DPH6: variants seen among roughly 807,000 people sequenced by gnomAD.
DPH6 encodes the protein diphthine--ammonia ligase.
In DPH6, 33 loss-of-function variants were observed where a neutral mutation model predicts 38.2. The ratio of observed to expected loss-of-function variants is 0.86; its 90% CI spans 0.65 to 1.15. The LOEUF (loss-of-function observed/expected upper bound fraction) is 1.15. DPH6 is among the 50% of genes most tolerant of loss of function. DPH6 has a pLI of 0.00. For synonymous variants in DPH6, 108 were observed against 103.0 expected (o/e 1.05, Z -0.30); for missense variants, 325 against 320.0 (o/e 1.02, Z -0.12).
intron 3 of DPH6, among the ~76,000 whole-genome samples, chr15:35,317,266 A>G (rs1258182663): frequency 7.2e-6 from 1 of 138,608 alleles, no homozygotes; most frequent in African/African-American, 2.7e-5. Context: ...TGAAAAAAAG[A>G]AAGAAAGAAA....
chr15:35,372,044 T>G lies in DPH6; in HGVS notation c.*106A>C, dbSNP rs1375272611. 5.6e-6 allele frequency: 8 copies of G among 1,437,738 alleles called. No homozygotes were observed. The highest frequency in any genetic ancestry group is 7.3e-6 in the Non-Finnish European group (8 of 1,099,584). The allele number at this position is 1,437,738 out of a possible 1,614,324, so 89.1% of individuals were successfully genotyped here. On this transcript the variant is annotated 3_prime_UTR_variant, in exon 9 of 9. Transcript: ENST00000256538. Reference sequence around the variant, plus strand: ...GTGAAAGTATGTTTCTCTAAAAAAATAAGAGTCATGAGAAAAAAATAAACT... The same window carrying G: ...GTGAAAGTATGTTTCTCTAAAAAAAGAAGAGTCATGAGAAAAAAATAAACT...
At chr15:35,391,610 C>T (rs956204995) in intron 6 of DPH6, among the ~76,000 whole-genome samples, 14 of 152,146 alleles carry the variant, frequency 9.2e-5, no homozygotes, top group African/African-American at 3.4e-4. Flanking sequence ...TAGCAGTAAG[C>T]GAGGCTCCGT....
At chr15:35,262,705 C>CAAAAAAAAAAAAAAAAAAAAAAAAAA (rs58580024) in intron 3 of DPH6, among the ~76,000 whole-genome samples, 1 of 82,632 alleles carries the variant, frequency 1.2e-5, no homozygotes, top group Non-Finnish European at 2.2e-5. Flanking sequence ...GACTCCGTCT[C>CAAAAAAAAAAAAAAAAAAAAAAAAAA]AAAAAAAAAA....
At chr15:35,172,985 A>T in the DPH6 span, among the ~76,000 whole-genome samples, 93 of 152,236 alleles carry the variant, frequency 6.1e-4, no homozygotes, top group Admixed American at 1.2e-3. Flanking sequence ...CTTTTATAAA[A>T]AAAATACTTT....
chr15:35,525,115 T>A (rs1033984980), intron 3 of DPH6, among the ~76,000 whole-genome samples: 1 of 152,088 alleles, frequency 6.6e-6, no homozygotes, highest in Non-Finnish European at 1.5e-5. Flanking sequence ...GGAGAATATA[T>A]TACAAATGCA....
intron 5 of DPH6, among the ~76,000 whole-genome samples, chr15:35,431,365 G>C (rs1315064218): frequency 6.6e-6 from 1 of 152,108 alleles, no homozygotes; most frequent in Non-Finnish European, 1.5e-5. Flanking sequence ...CTGATAAAAG[G>C]GAGGTTATGA....
intron 6 of DPH6, among the ~76,000 whole-genome samples, chr15:35,387,997 ATTATT>A (rs2052995621): frequency 6.6e-6 from 1 of 151,928 alleles, no homozygotes; most frequent in African/African-American, 2.4e-5. Context: ...GATAGCTCTT[ATTATT>A]TTGAGATATG....
chr15:35,327,696 T>C (rs1330397008), downstream of DPH6, among the ~76,000 whole-genome samples: 1 of 152,210 alleles, frequency 6.6e-6, no homozygotes, highest in Non-Finnish European at 1.5e-5. Context: ...CAGTCCCATC[T>C]TTGCTGCTCA....
intron 3 of DPH6, among the ~76,000 whole-genome samples, chr15:35,263,506 G>A (rs1011252919): frequency 1.4e-5 from 2 of 147,738 alleles, no homozygotes; most frequent in African/African-American, 5.0e-5. Flanking sequence ...GGACTCAAGC[G>A]ATCCTCCTGC....
chr15:35,189,081 G>A, the DPH6 span, among the ~76,000 whole-genome samples: 5 of 152,160 alleles, frequency 3.3e-5, no homozygotes, highest in Admixed American at 6.6e-5. Context: ...TAACTTCAGA[G>A]TATGTTTCCT....
chr15:35,273,103 T>G (rs995576956), intron 3 of DPH6, among the ~76,000 whole-genome samples: 1 of 151,966 alleles, frequency 6.6e-6, no homozygotes, highest in Non-Finnish European at 1.5e-5. Context: ...AAACCTCTTT[T>G]CTTCATAAAT....
chr15:35,545,531 G>A (rs534454536), intron 1 of DPH6, among the ~76,000 whole-genome samples: 1 of 152,312 alleles, frequency 6.6e-6, no homozygotes, highest in African/African-American at 2.4e-5. Flanking sequence ...AGTGCCCAAA[G>A]GCAGAAACAC....
At chr15:35,536,948 G>A (rs1311442498) in intron 3 of DPH6, among the ~76,000 whole-genome samples, 1 of 152,006 alleles carries the variant, frequency 6.6e-6, no homozygotes, top group Non-Finnish European at 1.5e-5. Context: ...GCAGGTCCTT[G>A]TGATTTCCTT....
rs113076143 is a variant in DPH6 at position 35,258,226 on chromosome 15, G to A, written n.201-37644C>T. Among the ~76,000 whole-genome samples, 552 of 152,302 alleles carry A rather than the reference G, an allele frequency of 3.6e-3. 6 individuals carry two copies. Among genetic ancestry groups the A allele is most frequent in the African/African-American group, 0.013 (533 of 41,560 alleles). On this transcript the variant is annotated intron_variant and non_coding_transcript_variant, in intron 3 of 3. Transcript: ENST00000560386. ...GGGCAAAAGACCACTAATGGTGTGA[G>A]AGGTAGGATTGGGGTCATATTACAG...
At chr15:35,504,820 C>T (rs2054673359) in intron 3 of DPH6, among the ~76,000 whole-genome samples, 1 of 152,042 alleles carries the variant, frequency 6.6e-6, no homozygotes, top group South Asian at 2.1e-4. Flanking sequence ...AGTATAGATC[C>T]TCTTTCTTGA....
the DPH6 span, among the ~76,000 whole-genome samples, chr15:35,165,259 C>G: frequency 4.0e-5 from 6 of 151,760 alleles, no homozygotes; most frequent in Admixed American, 3.3e-4. Context: ...AATCTATGTG[C>G]CCCAATAAAT....
At chr15:35,299,049 C>G in intron 3 of DPH6, 3 of 728,928 alleles carry the variant, frequency 4.1e-6, no homozygotes, top group African/African-American at 1.8e-5. Flanking sequence ...CCTTTCTTCT[C>G]TTTCTTCTAT....
rs111851210 is a variant in DPH6 at position 35,418,867 on chromosome 15, T to C, written c.506-7971A>G. Reference sequence around the variant, plus strand: ...CATCACAAAATGGTTAACAATGCTATTTTTAAGAGTCAAGTAAAGTGAATT... The same window carrying C: ...CATCACAAAATGGTTAACAATGCTACTTTTAAGAGTCAAGTAAAGTGAATT... On this transcript the variant is annotated intron_variant, in intron 5 of 8. Transcript: ENST00000256538. Among the ~76,000 whole-genome samples the C allele has an allele frequency of 4.5e-4, 68 of 152,210 alleles. 1 individual carries two copies. Among genetic ancestry groups the C allele is most frequent in the African/African-American group, 1.6e-3 (66 of 41,562 alleles).
At chr15:35,496,508 T>C (rs1439307321) in intron 3 of DPH6, among the ~76,000 whole-genome samples, 1 of 136,490 alleles carries the variant, frequency 7.3e-6, no homozygotes, top group African/African-American at 2.8e-5. Context: ...TGAGCTGAAA[T>C]TGGGCTATTG....
Sources: gnomAD v4.1 joint callset for allele counts (sites outside exome capture counted in the v4.1 genomes callset) on GRCh38, gnomAD v4.1.1 for gene constraint, MANE v1.5 for transcripts, NCBI Gene and HGNC (gene_info 2026-07-23, HGNC 2026-07-21) for gene names.